Variants in SCD5 observed in about 807,000 individuals in gnomAD.
SCD5 encodes the protein acyl-CoA-desaturase 4.
Under a neutral mutation model 30.4 loss-of-function variants are expected in SCD5, and 20 were observed. That is an observed-to-expected ratio of 0.66 (90% CI 0.46 to 0.96). The LOEUF (loss-of-function observed/expected upper bound fraction) is 0.96. Among genes scored for constraint, SCD5 ranks in the 40% least tolerant of loss-of-function variants. The pLI, the probability that SCD5 is intolerant of heterozygous loss-of-function variation, is 0.00. For missense variants in SCD5, 381 were observed against 443.3 expected (o/e 0.86, Z 1.26); for synonymous variants, 173 against 176.4 (o/e 0.98, Z 0.16).
intron 1 of SCD5, among the ~76,000 whole-genome samples, chr4:82,746,165 C>T (rs1166867695): frequency 1.3e-5 from 2 of 152,214 alleles, no homozygotes; most frequent in Admixed American, 6.5e-5. Flanking sequence ...GTCACACATG[C>T]TGAGCAGTAC....
chr4:82,741,808 G>A (rs919945230), intron 1 of SCD5, among the ~76,000 whole-genome samples: 2 of 145,960 alleles, frequency 1.4e-5, no homozygotes, highest in African/African-American at 5.1e-5. Flanking sequence ...CGTCACTCTT[G>A]GATGCCTCCT....
intron 1 of SCD5, among the ~76,000 whole-genome samples, chr4:82,790,035 A>T (rs540978881): frequency 5.9e-5 from 9 of 152,196 alleles, no homozygotes; most frequent in Non-Finnish European, 7.4e-5. Flanking sequence ...CTGAGACTTT[A>T]TTCCAAGCCT....
chr4:82,664,999 C>CTCTCTATATATATATA (rs1219554314), intron 3 of SCD5, among the ~76,000 whole-genome samples: 39 of 70,464 alleles, frequency 5.5e-4, no homozygotes, highest in African/African-American at 1.4e-3. Context: ...CTCTCTCTCT[C>CTCTCTATATATATATA]TATATATATA....
intron 1 of SCD5, among the ~76,000 whole-genome samples, chr4:82,786,263 A>G (rs1460006073): frequency 6.6e-6 from 1 of 151,784 alleles, no homozygotes; most frequent in African/African-American, 2.4e-5. Context: ...TTTTGATGTT[A>G]AGGAGGAGGG....
At chr4:82,769,208 C>T (rs762125163) in intron 1 of SCD5, among the ~76,000 whole-genome samples, 2 of 151,920 alleles carry the variant, frequency 1.3e-5, no homozygotes, top group Non-Finnish European at 2.9e-5. Context: ...TTCCCAGCCA[C>T]TGCCCTGAGA....
intron 1 of SCD5, among the ~76,000 whole-genome samples, chr4:82,780,032 T>C (rs1172565961): frequency 2.6e-5 from 4 of 152,234 alleles, no homozygotes; most frequent in African/African-American, 9.6e-5. Flanking sequence ...TATAATTACT[T>C]CATAGAGTTA....
chr4:82,780,689 T>C (rs1220351404), intron 1 of SCD5, among the ~76,000 whole-genome samples: 1 of 152,258 alleles, frequency 6.6e-6, no homozygotes, highest in Non-Finnish European at 1.5e-5. Context: ...CCACCAGAAA[T>C]GGCCCTGGCC....
At chr4:82,751,089 G>A (rs1031305853) in intron 1 of SCD5, among the ~76,000 whole-genome samples, 2 of 152,146 alleles carry the variant, frequency 1.3e-5, no homozygotes, top group African/African-American at 4.8e-5. Flanking sequence ...GCTTCACAAA[G>A]AGCTGTGTAA....
In SCD5 at chr4:82,774,509, C is replaced by T. The variant is rs144094790; in HGVS notation, c.232+23797G>A. On this transcript the variant is annotated intron_variant, in intron 1 of 4. Coordinates refer to ENST00000319540, the MANE Select transcript of SCD5 (RefSeq NM_001037582.3). ...GATACAAGTAACTTTTTTGCTTTTGCTTTTGCTTCCTTGTGTTTTCTAGGC... is the reference window on the plus strand; with the variant it reads ...GATACAAGTAACTTTTTTGCTTTTGTTTTTGCTTCCTTGTGTTTTCTAGGC... 1.4e-4 allele frequency among the ~76,000 whole-genome samples: 22 copies of T among 152,188 alleles called. No homozygotes were observed. In the East Asian group the frequency reaches 4.3e-3, roughly 29 times the overall value.
At chr4:82,766,903 C>T (rs555239709) in intron 1 of SCD5, among the ~76,000 whole-genome samples, 19 of 152,116 alleles carry the variant, frequency 1.2e-4, no homozygotes, top group Non-Finnish European at 2.6e-4. Flanking sequence ...GTCTCAAACT[C>T]CTAACCTCAG....
chr4:82,670,721 T>C (rs1728298720), intron 3 of SCD5, among the ~76,000 whole-genome samples: 1 of 151,714 alleles, frequency 6.6e-6, no homozygotes, highest in South Asian at 2.1e-4. Context: ...TCCATATCAA[T>C]TGATATGGCA....
At chr4:82,648,629 T>A (rs930063726) in intron 3 of SCD5, among the ~76,000 whole-genome samples, 8 of 152,212 alleles carry the variant, frequency 5.3e-5, no homozygotes, top group Non-Finnish European at 8.8e-5. Context: ...GGTCCTTATA[T>A]TTACTTATTA....
chr4:82,659,903 C>T (rs558188616), intron 3 of SCD5: 47 of 151,846 alleles, frequency 3.1e-4, no homozygotes, highest in African/African-American at 1.1e-3. Context: ...CAAAACCCAT[C>T]GGTGTGCTGT....
intron 1 of SCD5, among the ~76,000 whole-genome samples, chr4:82,745,045 T>C (rs1051886417): frequency 4.6e-5 from 7 of 152,194 alleles, no homozygotes; most frequent in Non-Finnish European, 7.3e-5. Context: ...TGCTAAGTGC[T>C]GTAGTCATTT....
chr4:82,669,519 T>C (rs1300890556), intron 3 of SCD5, among the ~76,000 whole-genome samples: 3 of 150,984 alleles, frequency 2.0e-5, no homozygotes, highest in African/African-American at 7.3e-5. Context: ...ACATAGGGAG[T>C]GGTTCACAGG....
At chr4:82,744,831 G>A (rs893523217) in intron 1 of SCD5, among the ~76,000 whole-genome samples, 1 of 151,688 alleles carries the variant, frequency 6.6e-6, no homozygotes, top group African/African-American at 2.4e-5. Flanking sequence ...ACCATCTTAG[G>A]AGAGAGACTG....
rs192094391 is a variant in SCD5 at position 82,678,873 on chromosome 4, A to C, written c.569+1834T>G. Among the ~76,000 whole-genome samples, 273 of 152,280 alleles carry C rather than the reference A, an allele frequency of 1.8e-3. 1 individual carries two copies. Among genetic ancestry groups the C allele is most frequent in the Non-Finnish European group, 6.3e-4 (43 of 68,020 alleles). On this transcript the variant is annotated intron_variant, in intron 3 of 4. Coordinates refer to ENST00000319540, the MANE Select transcript of SCD5 (RefSeq NM_001037582.3). ...TTCAACATTTTACACTCATAGTGAA[A>C]ATCAACGTCAATAAATCATTGAATT...
chr4:82,739,795 T>C (rs17006208), intron 1 of SCD5, among the ~76,000 whole-genome samples: 22,157 of 152,254 alleles, frequency 0.15, 2,871 homozygotes, highest in African/African-American at 0.35. Context: ...CTTGATAATT[T>C]TTTTAGCACA....
In SCD5 at chr4:82,766,698, TG is replaced by T. The variant is rs1407134644; in HGVS notation, c.232+31607del. On this transcript the variant is annotated intron_variant, in intron 1 of 4. Coordinates refer to ENST00000319540, the MANE Select transcript of SCD5 (RefSeq NM_001037582.3). ...GCATGGTTGAGTGCTGCATATTTTT[TG>T]TGTTCCTATAAAGATTGTTGAGCTT... Among the ~76,000 whole-genome samples the T allele has an allele frequency of 4.6e-5, 7 of 152,352 alleles. No individual in the cohort carries two copies. The East Asian group carries it at 1.3e-3, about 29-fold the overall frequency.
Sources: gnomAD v4.1 joint callset for allele counts (sites outside exome capture counted in the v4.1 genomes callset) on GRCh38, gnomAD v4.1.1 for gene constraint, MANE v1.5 for transcripts, NCBI Gene and HGNC (gene_info 2026-07-23, HGNC 2026-07-21) for gene names.